COL7A1: variants seen among roughly 807,000 people sequenced by gnomAD.
COL7A1 encodes the protein collagen alpha-1(VII) chain.
Under a neutral mutation model 456.2 loss-of-function variants are expected in COL7A1, and 296 were observed. The ratio of observed to expected loss-of-function variants is 0.65; its 90% CI spans 0.59 to 0.71. The LOEUF (loss-of-function observed/expected upper bound fraction) is 0.71, where lower values mean the gene tolerates loss of function less well. Among genes scored for constraint, COL7A1 ranks in the 30% least tolerant of loss-of-function variants. The pLI is 0.00. For missense variants in COL7A1, 3,441 were observed against 4,017.2 expected (o/e 0.86, Z 3.88); for synonymous variants, 1,464 against 1,525.9 (o/e 0.96, Z 0.95).
chr3:48,574,189 GCA>G lies in COL7A1; in HGVS notation c.6501+71_6501+72del. The G allele has an allele frequency of 6.4e-7, 1 of 1,554,724 alleles. No individual in the cohort carries two copies. The highest frequency in any genetic ancestry group is 8.9e-7 in the Non-Finnish European group (1 of 1,128,750). On this transcript the variant is annotated intron_variant, in intron 80 of 118. Transcript: ENST00000681320. The surrounding 1 kb of genome is among the most constrained non-coding windows in gnomAD (Gnocchi z 5.0). ...CACACAAACACACACACACAGACAT[GCA>G]CACACACAGCAGCAGCAGCACCTAG...
At position 48,590,848 on chromosome 3, in the gene COL7A1, G is replaced by A. The variant is rs768585734; in HGVS notation, c.1637-32C>T. ...GAGAAGTCAGGGTAGGTGGGCAGGG[G>A]TCAGAAAGAGACAGGGATGTGGGAC... is the stretch of plus-strand genomic sequence containing the variant. On this transcript the variant is annotated intron_variant, in intron 13 of 118. Transcript: ENST00000681320. This position sits in a 1 kb window ranked among gnomAD's most constrained non-coding sequence, Gnocchi z 4.6. 5.6e-6 allele frequency: 9 copies of A among 1,597,608 alleles called. No individual in the cohort carries two copies. Among genetic ancestry groups the A allele is most frequent in the East Asian group, 2.3e-5 (1 of 44,216 alleles).
At chr3:48,584,146 T>C (rs1285130785) in intron 37 of COL7A1, 85 bp from the exon 38 acceptor site, 16 of 1,609,434 alleles carry the variant, frequency 9.9e-6, no homozygotes, top group Admixed American at 6.7e-5. Flanking sequence ...TGGGGTCCAA[T>C]TGGATTTCAA....
Position 48,569,370 on chromosome 3 carries a change from T to G in COL7A1, c.7686+5A>C. 6.2e-7 allele frequency: 1 copy of G among 1,613,844 alleles called. No homozygotes were observed. The highest frequency in any genetic ancestry group is 8.5e-7 in the Non-Finnish European group (1 of 1,179,892). ...ACAGAGAGTACACCACCCTCTTCCC[T>G]GTACCTTGTCACCAGGGTCCCCATT... On this transcript the variant is annotated splice_donor_5th_base_variant and intron_variant, in intron 103 of 118. Coordinates refer to ENST00000681320, the MANE Select transcript of COL7A1 (RefSeq NM_000094.4). This position sits in a 1 kb window ranked among gnomAD's most constrained non-coding sequence, Gnocchi z 4.9.
rs148454724 is a variant in COL7A1 at position 48,565,161 on chromosome 3, G to A, written c.8568C>T (p.Ser2856=). The A allele has an allele frequency of 1.8e-4, 284 of 1,613,966 alleles. 1 individual carries two copies. The African/African-American group carries it at 3.2e-3, about 18-fold the overall frequency. The part of the protein sequence containing the change: ...PPEDDEYSEY[S]EYSVEEYQDP... Reference sequence around the variant, plus strand: ...CCTGGTACTCCTCCACAGAATACTCGGAGTATTCAGAGTACTCATCATCCT... The same window carrying A: ...CCTGGTACTCCTCCACAGAATACTCAGAGTATTCAGAGTACTCATCATCCT... Residue 2856 remains serine (S), a synonymous_variant, in exon 117 of 119, where the codon TCC becomes TCT. Transcript: ENST00000681320. The surrounding 1 kb of genome is among the most constrained non-coding windows in gnomAD (Gnocchi z 4.5).
Position 48,593,561 on chromosome 3 carries a change from C to T in COL7A1, c.402G>A (p.Gln134=). The change falls in exon 4 of 119, where the codon CAG becomes CAA. Residue 134 remains glutamine, a synonymous_variant. Transcript: ENST00000681320. This position sits in a 1 kb window ranked among gnomAD's most constrained non-coding sequence, Gnocchi z 4.4. ...CCTTGGGGACACCAGGTCGGGCCAG[C>T]TGGGGCAGGAAGACATGGTCAGCCA... ...LHVADHVFLP[Q]LARPGVPKVC... is the part of the protein sequence containing the mutation. 1 of 1,614,190 alleles carries T rather than the reference C, an allele frequency of 6.2e-7. No homozygotes were observed. Among genetic ancestry groups the T allele is most frequent in the Non-Finnish European group, 8.5e-7 (1 of 1,180,026 alleles).
rs755961162 is a variant in COL7A1 at position 48,590,458 on chromosome 3, C to A, written c.1906+1G>T. Reference sequence around the variant, plus strand: ...AGTCCCCCCACACACCCCACACTGACCACTGCCTGTGCTCCAGCTAATCCG... The same window carrying A: ...AGTCCCCCCACACACCCCACACTGAACACTGCCTGTGCTCCAGCTAATCCG... On this transcript the variant is annotated splice_donor_variant, in intron 15 of 118. Transcript: ENST00000681320. LOFTEE classifies it high-confidence loss of function. The surrounding 1 kb of genome is among the most constrained non-coding windows in gnomAD (Gnocchi z 4.6). The A allele has an allele frequency of 3.7e-6, 6 of 1,614,174 alleles. No individual in the cohort carries two copies. In the South Asian group the frequency reaches 6.6e-5, roughly 18 times the overall value.
In COL7A1 at chr3:48,590,242, C is replaced by A. The variant is rs1215682488; in HGVS notation, c.2021G>T (p.Gly674Val). 3 of 1,613,572 alleles carry A rather than the reference C, an allele frequency of 1.9e-6. No homozygotes were observed. The highest frequency in any genetic ancestry group is 1.1e-5 in the South Asian group (1 of 91,072). Residue 674 changes from glycine (G) to valine (V), a missense_variant, in exon 16 of 119, where the codon GGC (glycine) becomes GTC (valine). By Grantham distance (109) the Gly-to-Val change is moderately radical (BLOSUM62 -3). Coordinates refer to ENST00000681320, the MANE Select transcript of COL7A1 (RefSeq NM_000094.4). This position sits in a 1 kb window ranked among gnomAD's most constrained non-coding sequence, Gnocchi z 4.6. ...TCGAGCCACGATGACTGCAGCAGGG[C>A]CCTCCTCTCTGCCTCGCAGTACCGA... is the stretch of plus-strand genomic sequence containing the variant. ...AVSVLRGREE[G>V]PAAVIVARTD...
rs550107961 is a variant in COL7A1 at position 48,587,561 on chromosome 3, G to A, written c.2858-7C>T. 6.2e-7 allele frequency: 1 copy of A among 1,613,482 alleles called. No homozygotes were observed. Among genetic ancestry groups the A allele is most frequent in the Non-Finnish European group, 8.5e-7 (1 of 1,180,024 alleles). ...CTTGGAACACGAGGTGACTCTGAAG[G>A]AGGAATGAAAGATCGAGGATCAGAG... On this transcript the variant is annotated splice_region_variant and splice_polypyrimidine_tract_variant and intron_variant, in intron 22 of 118. Transcript: ENST00000681320. The surrounding 1 kb of genome is among the most constrained non-coding windows in gnomAD (Gnocchi z 6.1).
rs1295734307 is a variant in COL7A1 at position 48,592,501 on chromosome 3, C to T, written c.977-34G>A. The T allele has an allele frequency of 1.2e-6, 2 of 1,612,734 alleles. No homozygotes were observed. The highest frequency in any genetic ancestry group is 1.7e-6 in the Non-Finnish European group (2 of 1,179,842). On this transcript the variant is annotated intron_variant, in intron 8 of 118. Coordinates refer to ENST00000681320, the MANE Select transcript of COL7A1 (RefSeq NM_000094.4). This position sits in a 1 kb window ranked among gnomAD's most constrained non-coding sequence, Gnocchi z 7.6. The stretch of plus-strand genomic sequence containing the variant: ...GAGTCCCACCAGGGATTCATGGAGT[C>T]AGAAGTGGGAGGGGGTACTGGGGTC...
chr3:48,595,227 G>C (rs1228516650), intron 1 of COL7A1, 41 bp downstream of exon 1: 2 of 1,364,104 alleles, frequency 1.5e-6, no homozygotes, highest in Admixed American at 2.0e-5. Flanking sequence ...GCCTTGGCAG[G>C]TCCGAGCCCA....
chr3:48,576,918 C>A lies in COL7A1; in HGVS notation c.5570G>T (p.Gly1857Val). 6.2e-7 allele frequency: 1 copy of A among 1,614,064 alleles called. No homozygotes were observed. Among genetic ancestry groups the A allele is most frequent in the Non-Finnish European group, 8.5e-7 (1 of 1,180,026 alleles). Residue 1857 changes from glycine (G) to valine (V), a missense_variant and splice_region_variant, in exon 67 of 119, where the codon GGA becomes GTA. Gly to Val is a moderately radical substitution (Grantham distance 109). Transcript: ENST00000681320. ...PGDPGEDGRKGEKGDSGASGR... is the reference protein window; with the variant it reads ...PGDPGEDGRKVEKGDSGASGR... ...AGAGGCGCCTGAATCTCCTTTCTCT[C>A]CCTAAGGAAGACAAGGATGCTTCAG...
rs74780677 is a variant in COL7A1, at chr3:48,564,341, A to G, written c.*65T>C. 24,970 of 1,574,560 alleles carry G rather than the reference A, an allele frequency of 0.016. 337 individuals carry two copies. The highest frequency in any genetic ancestry group is 0.015 in the Non-Finnish European group (17,652 of 1,144,646). Reference sequence around the variant, plus strand: ...AGCCTCTAGCACCAAGGGGAGGGACAGTGGGGTTCTGCTGAGACCCCGACT... The same window carrying G: ...AGCCTCTAGCACCAAGGGGAGGGACGGTGGGGTTCTGCTGAGACCCCGACT... On this transcript the variant is annotated 3_prime_UTR_variant, in exon 119 of 119. Coordinates refer to ENST00000681320, the MANE Select transcript of COL7A1 (RefSeq NM_000094.4). This position sits in a 1 kb window ranked among gnomAD's most constrained non-coding sequence, Gnocchi z 6.0.
At position 48,593,617 on chromosome 3, in the gene COL7A1, T is replaced by C; in HGVS notation, c.346A>G (p.Asn116Asp). Residue 116 changes from asparagine to aspartate, a missense_variant, in exon 4 of 119, where the codon AAC becomes GAC. Asn to Asp is a conservative substitution (Grantham distance 23, BLOSUM62 1). Transcript: ENST00000681320. This position sits in a 1 kb window ranked among gnomAD's most constrained non-coding sequence, Gnocchi z 4.4. ...AIRELSYKGG[N>D]TRTGAAILHV... ...AGAATTGCAGCCCCTGTGCGAGTGTTGCCCCCCTTGTAGCTAAGCTCACGG... is the reference window on the plus strand; with the variant it reads ...AGAATTGCAGCCCCTGTGCGAGTGTCGCCCCCCTTGTAGCTAAGCTCACGG... 1 of 1,614,186 alleles carries C rather than the reference T, an allele frequency of 6.2e-7. No individual in the cohort carries two copies. The highest frequency in any genetic ancestry group is 8.5e-7 in the Non-Finnish European group (1 of 1,180,014).
chr3:48,584,820 A>G (rs769188187), intron 34 of COL7A1, 51 bp from the exon 35 acceptor site: 36 of 1,613,790 alleles, frequency 2.2e-5, no homozygotes, highest in Middle Eastern at 3.3e-4. Flanking sequence ...GCGAATGTCA[A>G]CGTGGGCACT....
rs1575440125 is a variant in COL7A1, at chr3:48,575,546, G to A, written c.5980-7C>T. 1.8e-5 allele frequency: 29 copies of A among 1,612,658 alleles called. No individual in the cohort carries two copies. The East Asian group carries it at 4.7e-4, about 26-fold the overall frequency. On this transcript the variant is annotated splice_region_variant and splice_polypyrimidine_tract_variant and intron_variant, in intron 73 of 118. Transcript: ENST00000681320. The surrounding 1 kb of genome is among the most constrained non-coding windows in gnomAD (Gnocchi z 6.3). The stretch of plus-strand genomic sequence containing the variant: ...CAGGAAAGCCGATGGGGCCCTGCAG[G>A]AGTGGAAGAGAGAATGCTGGTGGCT...
intron 18 of COL7A1, 33 bp from the exon 19 acceptor site, chr3:48,589,028 A>G: frequency 6.2e-7 from 1 of 1,612,856 alleles, no homozygotes; most frequent in Non-Finnish European, 8.5e-7. Flanking sequence ...GGGTCCTGGT[A>G]GAGAACAGAG....
In COL7A1 at chr3:48,585,208, C is replaced by T. The variant is rs2045156252; in HGVS notation, c.3895-92G>A. 1 of 1,272,570 alleles carries T rather than the reference C, an allele frequency of 7.9e-7. No individual in the cohort carries two copies. Among genetic ancestry groups the T allele is most frequent in the Admixed American group, 1.9e-5 (1 of 52,098 alleles). 78.8% of individuals were successfully genotyped at this position (1,272,570 alleles called of 1,614,324 possible). ...CCTCACCCCATCAACAAGGGGTCGC[C>T]TACCCCACTGACCCCCAAGTGTTAT... is the stretch of plus-strand genomic sequence containing the variant. On this transcript the variant is annotated intron_variant, in intron 32 of 118. Coordinates refer to ENST00000681320, the MANE Select transcript of COL7A1 (RefSeq NM_000094.4). This position sits in a 1 kb window ranked among gnomAD's most constrained non-coding sequence, Gnocchi z 4.5.
chr3:48,586,831 A>G lies in COL7A1; in HGVS notation c.3276+141T>C, dbSNP rs913761775. ...AGCAGTGATGGCAGGATAGGGAGCC[A>G]GGCAGTAGGTGAGGTCTGGAGCCTG... On this transcript the variant is annotated intron_variant, in intron 25 of 118. Transcript: ENST00000681320. The surrounding 1 kb of genome is among the most constrained non-coding windows in gnomAD (Gnocchi z 5.1). The G allele has an allele frequency of 4.0e-6, 6 of 1,504,676 alleles. No homozygotes were observed. The Admixed American group carries it at 5.9e-5, about 15-fold the overall frequency. The allele number at this position is 1,504,676 out of a possible 1,614,324, so 93.2% of individuals were successfully genotyped here. A position where few individuals can be genotyped will look rare whatever the true frequency, so the allele number is the denominator to read the frequency against.
Position 48,566,825 on chromosome 3 carries a change from G to T in COL7A1, c.8226+82C>A. On this transcript the variant is annotated intron_variant, in intron 111 of 118. Transcript: ENST00000681320. The surrounding 1 kb of genome is among the most constrained non-coding windows in gnomAD (Gnocchi z 5.9). The stretch of plus-strand genomic sequence containing the variant: ...TGGGGGCCACAGCTTCAGAGGTTGG[G>T]GCAGGCAGGCTGGAAGATGGTTATG... 1 of 1,585,082 alleles carries T rather than the reference G, an allele frequency of 6.3e-7. No homozygotes were observed. The highest frequency in any genetic ancestry group is 8.6e-7 in the Non-Finnish European group (1 of 1,157,496).
Sources: gnomAD v4.1 joint callset for allele counts on GRCh38, gnomAD v4.1.1 for gene constraint, Gnocchi (gnomAD v3.1) non-coding constraint, MANE v1.5 for transcripts, NCBI Gene and HGNC (gene_info 2026-07-23, HGNC 2026-07-21) for gene names.